Variants in GATA2 observed in about 807,000 individuals in gnomAD.
GATA2 encodes the protein GATA binding protein 2.
In GATA2, 6 loss-of-function variants were observed where a neutral mutation model predicts 35.7. The observed-to-expected ratio is 0.17, with a 90% CI of 0.09 to 0.33. GATA2 has a LOEUF of 0.33. Ranked by LOEUF, GATA2 falls within the 10% of genes least tolerant of loss-of-function variation. GATA2 has a pLI of 1.00. For synonymous variants in GATA2, 313 were observed against 274.9 expected (o/e 1.14, Z -1.37); for missense variants, 541 against 656.6 (o/e 0.82, Z 1.92).
chr3:128,489,757 C>G (rs2068750351), intron 1 of GATA2: 1 of 152,266 alleles, frequency 6.6e-6, no homozygotes, highest in Non-Finnish European at 1.5e-5. Flanking sequence ...CCGTCTGTCT[C>G]TCAACTTTTC....
chr3:128,486,034 C>G lies in GATA2; in HGVS notation c.564G>C (p.Thr188=), dbSNP rs34870876. 0.053 allele frequency: 84,657 copies of G among 1,605,602 alleles called. 2,720 individuals are homozygous for G. The highest frequency in any genetic ancestry group is 0.061 in the Non-Finnish European group (71,982 of 1,175,514). ...AAGATGAGGCTGGAGACGCAGCCCC[C>G]GTGGTGCTAGGGTCAGGAGACACTT... ...PKEVSPDPST[T]GAASPASSSA... is the part of the protein sequence containing the mutation. Residue 188 remains threonine (T), a synonymous_variant, in exon 3 of 6, where the codon ACG becomes ACC. Transcript: ENST00000341105.
At chr3:128,490,306 C>G (rs981619747) in intron 1 of GATA2, 1 of 152,280 alleles carries the variant, frequency 6.6e-6, no homozygotes, top group African/African-American at 2.4e-5. Context: ...TTACCCCGCT[C>G]GGCAGCTCAG....
At chr3:128,481,983 C>G in intron 4 of GATA2, 39 bp from the exon 5 acceptor site, 1 of 1,608,580 alleles carries the variant, frequency 6.2e-7, no homozygotes. Context: ...TGGACTCCCA[C>G]GCCCACCTCG....
At position 128,486,850 on chromosome 3, in the gene GATA2, G is replaced by A. The variant is rs375349195; in HGVS notation, c.182C>T (p.Ala61Val). The change falls in exon 2 of 6, where the codon GCC (alanine) becomes GTC (valine). Residue 61 changes from alanine (A) to valine (V), a missense_variant. By Grantham distance (64) the Ala-to-Val change is moderately conservative (BLOSUM62 0). Coordinates refer to ENST00000341105, the MANE Select transcript of GATA2 (RefSeq NM_032638.5). ...GCGCGCCCGCGCGTGAGCGGGGTTG[G>A]CATAGTAGGGGTTGCCCTGCGAGTC... is the stretch of plus-strand genomic sequence containing the variant. Reference protein sequence around the residue: ...HLDSQGNPYYANPAHARARVS... With the variant: ...HLDSQGNPYYVNPAHARARVS... 41 of 1,612,072 alleles carry A rather than the reference G, an allele frequency of 2.5e-5. No homozygotes were observed. The highest frequency in any genetic ancestry group is 3.4e-5 in the Non-Finnish European group (40 of 1,179,440).
rs1303711979 is a variant in GATA2 at position 128,480,885 on chromosome 3, G to A, written c.*134C>T. On this transcript the variant is annotated 3_prime_UTR_variant, in exon 6 of 6. Transcript: ENST00000341105. The stretch of plus-strand genomic sequence containing the variant: ...ACAGTAACTGCTGGCAGGCTGCTGG[G>A]CGCCCTCCAGGAGAGGGGGTGCTGG... The A allele has an allele frequency of 1.0e-6, 1 of 989,566 alleles. No individual in the cohort carries two copies. The highest frequency in any genetic ancestry group is 1.5e-6 in the Non-Finnish European group (1 of 683,998). The allele number at this position is 989,566 out of a possible 1,614,324, so 61.3% of individuals were successfully genotyped here. A position where few individuals can be genotyped will look rare whatever the true frequency, so the allele number is the denominator to read the frequency against.
At chr3:128,481,732 A>G (rs1203008918) in intron 5 of GATA2, 87 bp downstream of exon 5, 1 of 1,503,566 alleles carries the variant, frequency 6.7e-7, no homozygotes, top group East Asian at 2.3e-5. Flanking sequence ...GCCAAGCTGG[A>G]TATTGTGGCT....
chr3:128,480,871 TG>T lies in GATA2; in HGVS notation c.*147del. On this transcript the variant is annotated 3_prime_UTR_variant, in exon 6 of 6. Coordinates refer to ENST00000341105, the MANE Select transcript of GATA2 (RefSeq NM_032638.5). The stretch of plus-strand genomic sequence containing the variant: ...GGTGGGGAACATTCACAGTAACTGC[TG>T]GCAGGCTGCTGGGCGCCCTCCAGGA... 1.2e-6 allele frequency: 1 copy of T among 866,344 alleles called. No individual in the cohort carries two copies. Among genetic ancestry groups the T allele is most frequent in the Non-Finnish European group, 1.7e-6 (1 of 572,838 alleles). The allele number at this position is 866,344 out of a possible 1,614,324, so 53.7% of individuals were successfully genotyped here.
chr3:128,484,079 A>G, intron 3 of GATA2, 74 bp from the exon 4 acceptor site: 2 of 1,570,846 alleles, frequency 1.3e-6, no homozygotes, highest in Middle Eastern at 3.8e-4. Context: ...AGGGCAGGAA[A>G]GCAGCCAGCC....
chr3:128,491,124 G>A (rs952464861), intron 1 of GATA2, among the ~76,000 whole-genome samples: 5 of 151,738 alleles, frequency 3.3e-5, no homozygotes, highest in African/African-American at 7.3e-5. Context: ...TCTGGTGCCC[G>A]GTTCTAGAGT....
intron 3 of GATA2, among the ~76,000 whole-genome samples, 157 bp downstream of exon 3, chr3:128,485,570 C>T (rs906667745): frequency 1.3e-5 from 2 of 152,136 alleles, no homozygotes; most frequent in Non-Finnish European, 2.9e-5. Flanking sequence ...CTCCCTGACC[C>T]GGGGGTCTCA....
intron 4 of GATA2, among the ~76,000 whole-genome samples, chr3:128,483,400 A>G (rs1576746459): frequency 6.6e-6 from 1 of 152,220 alleles, no homozygotes; most frequent in East Asian, 1.9e-4. Flanking sequence ...GAAAATACAC[A>G]GTATAGGTGA....
chr3:128,483,826 C>T (rs755588482), intron 4 of GATA2, 34 bp downstream of exon 4: 2 of 1,613,990 alleles, frequency 1.2e-6, no homozygotes, highest in Non-Finnish European at 1.7e-6. Flanking sequence ...TCCTGCCCAG[C>T]AGCCCCCTCC....
At chr3:128,492,606 G>C (rs1016983980) in intron 1 of GATA2, among the ~76,000 whole-genome samples, 20 of 152,220 alleles carry the variant, frequency 1.3e-4, no homozygotes, top group Non-Finnish European at 2.2e-4. Context: ...CAGTTCGGGG[G>C]CCGGGAGGCG....
intron 5 of GATA2, 87 bp from the exon 6 acceptor site, chr3:128,481,405 G>A (rs56222064): frequency 1.7e-4 from 243 of 1,449,790 alleles, no homozygotes; most frequent in Middle Eastern, 5.2e-4. Flanking sequence ...CCAGAGGCAG[G>A]TCAAGCTGAG....
chr3:128,491,319 A>G (rs952746433), intron 1 of GATA2, among the ~76,000 whole-genome samples: 24 of 149,560 alleles, frequency 1.6e-4, no homozygotes, highest in African/African-American at 5.4e-4. Context: ...CCTTTTCCTT[A>G]TGGGCAGCTA....
intron 1 of GATA2, among the ~76,000 whole-genome samples, chr3:128,489,012 C>T (rs371296313): frequency 2.1e-3 from 324 of 152,168 alleles, no homozygotes; most frequent in African/African-American, 7.4e-3. Context: ...GCCCGAGGCT[C>T]CCGGGGTAGA....
chr3:128,479,692 T>C lies in GATA2; in HGVS notation c.*1327A>G, dbSNP rs2068599369. ...GCCCGCCCATATTGCACTTGGTCAC[T>C]ACATCAGCACAATCCTCCTCCTGGG... On this transcript the variant is annotated 3_prime_UTR_variant, in exon 6 of 6. Transcript: ENST00000341105. The C allele has an allele frequency of 8.6e-6, 2 of 233,538 alleles. No homozygotes were observed. Among genetic ancestry groups the C allele is most frequent in the Non-Finnish European group, 1.7e-5 (2 of 118,004 alleles). 14.5% of individuals were successfully genotyped at this position (233,538 alleles called of 1,614,324 possible).
At chr3:128,485,665 C>T in intron 3 of GATA2, 62 bp downstream of exon 3, 1 of 1,573,300 alleles carries the variant, frequency 6.4e-7, no homozygotes, top group African/African-American at 1.3e-5. Context: ...CAAGTCACAG[C>T]TCCCCACCAC....
chr3:128,481,363 G>A, intron 5 of GATA2, 45 bp from the exon 6 acceptor site: 2 of 1,594,282 alleles, frequency 1.3e-6, no homozygotes, highest in Non-Finnish European at 8.5e-7. Context: ...CCTTCCTCCA[G>A]CAACATTCCT....
Sources: allele counts gnomAD v4.1 joint callset (sites outside exome capture counted in the v4.1 genomes callset), GRCh38; gene constraint gnomAD v4.1.1; transcripts MANE v1.5; gene names NCBI Gene and HGNC (gene_info 2026-07-23, HGNC 2026-07-21).